The following SRGAP2B variants were observed in gnomAD, a reference collection of about 807,000 sequenced individuals.
The protein encoded by SRGAP2B is SLIT-ROBO Rho GTPase-activating protein 2B.
In SRGAP2B, 9 loss-of-function variants were observed where a neutral mutation model predicts 22.2. The ratio of observed to expected loss-of-function variants is 0.41; its 90% CI spans 0.24 to 0.71. The LOEUF is 0.71. SRGAP2B is among the 30% of genes least tolerant of loss of function. The pLI is 0.35. For synonymous variants in SRGAP2B, 36 were observed against 87.4 expected (o/e 0.41, Z 3.28); for missense variants, 114 against 235.8 (o/e 0.48, Z 3.38).
intron 3 of SRGAP2B, among the ~76,000 whole-genome samples, chr1:144,990,678 G>A (rs7413086): frequency 6.7e-5 from 10 of 149,930 alleles, no homozygotes; most frequent in African/African-American, 2.0e-4. Context: ...CCGGGGCTGC[G>A]TGCGGCGCTT....
chr1:144,967,455 C>T (rs1553612473), intron 3 of SRGAP2B, among the ~76,000 whole-genome samples: 1 of 133,850 alleles, frequency 7.5e-6, no homozygotes, highest in Non-Finnish European at 1.6e-5. Context: ...AGAACAAAGA[C>T]ACAACATACC....
intron 4 of SRGAP2B, among the ~76,000 whole-genome samples, chr1:144,934,327 C>T (rs1348180107): frequency 7.0e-6 from 1 of 143,814 alleles, no homozygotes; most frequent in Non-Finnish European, 1.5e-5. Context: ...TCACTTGAAC[C>T]TGGGAGGCGG....
chr1:144,904,180 C>T (rs1662818322), intron 7 of SRGAP2B, among the ~76,000 whole-genome samples: 1 of 150,238 alleles, frequency 6.7e-6, no homozygotes, highest in Non-Finnish European at 1.5e-5. Flanking sequence ...TTGCGCATAA[C>T]CTTGGACAAG....
In SRGAP2B at chr1:144,944,714, TA is replaced by T. The variant is rs1666356868; in HGVS notation, c.423+10724del. Reference sequence around the variant, plus strand: ...TTATTTATTTATTTATTTATTTATTTATTTATTTATTTTTTGAGATGGAGTC... The same window carrying T: ...TTATTTATTTATTTATTTATTTATTTTTTATTTATTTTTTGAGATGGAGTC... On this transcript the variant is annotated intron_variant, in intron 4 of 9. Transcript: ENST00000612199. 3.5e-4 allele frequency among the ~76,000 whole-genome samples: 52 copies of T among 146,514 alleles called. No individual in the cohort carries two copies. In the South Asian group the frequency reaches 9.6e-3, roughly 27 times the overall value.
rs376535404 is a variant in SRGAP2B, at chr1:144,966,494, C to T, written c.261-10893G>A. Among the ~76,000 whole-genome samples the T allele has an allele frequency of 2.7e-5, 4 of 147,240 alleles. No homozygotes were observed. In the East Asian group the frequency reaches 5.8e-4, roughly 21 times the overall value. On this transcript the variant is annotated intron_variant, in intron 3 of 9. Transcript: ENST00000612199. ...CCTAAAAGAGCTCCTGAAGGAAGTG[C>T]TAAACGTGGAAAGGAACAACCAGTA...
exon 3 of SRGAP2B, chr1:144,995,070 G>C: frequency 6.5e-7 from 1 of 1,540,758 alleles, no homozygotes; most frequent in South Asian, 1.2e-5. Flanking sequence ...GCTTCTCCAG[G>C]TTGCGGGAGT....
In SRGAP2B at chr1:145,007,377, A is replaced by C. The variant is rs587702337; in HGVS notation, c.68-12177T>G. On this transcript the variant is annotated intron_variant, in intron 2 of 9. Transcript: ENST00000612199. ...GCTGGCAATGTTGATTGGTTAACAA[A>C]AAGAATCCCCGAATTCCTTCACCTT... is the stretch of plus-strand genomic sequence containing the variant. Among the ~76,000 whole-genome samples, 50 of 150,788 alleles carry C rather than the reference A, an allele frequency of 3.3e-4. 2 individuals are homozygous for C. The highest frequency in any genetic ancestry group is 1.2e-3 in the African/African-American group (48 of 40,284).
At chr1:144,991,354 A>G (rs1670205938) in intron 3 of SRGAP2B, among the ~76,000 whole-genome samples, 1 of 150,296 alleles carries the variant, frequency 6.7e-6, no homozygotes, top group Non-Finnish European at 1.5e-5. Flanking sequence ...TGTTTAGCTC[A>G]AGGTTTGTAA....
intron 4 of SRGAP2B, among the ~76,000 whole-genome samples, chr1:144,921,416 A>G (rs1424480286): frequency 4.1e-5 from 6 of 145,128 alleles, no homozygotes; most frequent in Non-Finnish European, 9.0e-5. Flanking sequence ...AGTGACTCCC[A>G]AAGCAGTCAC....
At position 145,076,017 on chromosome 1, in the gene SRGAP2B, A is replaced by G. The variant is rs587680612; in HGVS notation, c.67+16818T>C. 1.8e-4 allele frequency among the ~76,000 whole-genome samples: 27 copies of G among 150,342 alleles called. 2 individuals carry two copies. Among genetic ancestry groups the G allele is most frequent in the African/African-American group, 6.7e-4 (27 of 40,288 alleles). On this transcript the variant is annotated intron_variant, in intron 2 of 9. Coordinates refer to ENST00000612199, the Ensembl canonical transcript of SRGAP2B. ...ATATATTATCTCAGTTTATCTATAC[A>G]ACCACCCTGGGATGTAGGCAGAACA... is the stretch of plus-strand genomic sequence containing the variant.
chr1:144,974,218 T>C (rs12028954), intron 3 of SRGAP2B, among the ~76,000 whole-genome samples: 1,880 of 134,822 alleles, frequency 0.014, 56 homozygotes, highest in East Asian at 0.1. Flanking sequence ...GAAGAAGAGA[T>C]GGAAAGTGGC....
intron 3 of SRGAP2B, among the ~76,000 whole-genome samples, chr1:144,993,976 A>AT (rs1216388575): frequency 2.0e-5 from 3 of 150,020 alleles, no homozygotes; most frequent in South Asian, 2.1e-4. Context: ...TTTTTTTGCA[A>AT]TTTTTTTTAA....
intron 4 of SRGAP2B, among the ~76,000 whole-genome samples, chr1:144,925,643 A>G (rs1220680877): frequency 7.0e-6 from 1 of 143,834 alleles, no homozygotes; most frequent in Non-Finnish European, 1.5e-5. Flanking sequence ...GACTCAGAAA[A>G]AAAAAAAAAA....
At chr1:144,944,948 C>T (rs1367741987) in intron 4 of SRGAP2B, among the ~76,000 whole-genome samples, 100 of 147,204 alleles carry the variant, frequency 6.8e-4, no homozygotes, top group African/African-American at 2.2e-3. Context: ...TTAGTAGAGA[C>T]GGGGTTTCAC....
intron 3 of SRGAP2B, among the ~76,000 whole-genome samples, chr1:144,991,093 G>A (rs1553617042): frequency 6.6e-6 from 1 of 151,062 alleles, no homozygotes; most frequent in Non-Finnish European, 1.5e-5. Flanking sequence ...GGATCCACTA[G>A]ATGAAGCCAA....
At position 144,956,166 on chromosome 1, in the gene SRGAP2B, C is replaced by A. The variant is rs370131084; in HGVS notation, c.261-565G>T. The stretch of plus-strand genomic sequence containing the variant: ...TAGAAACCAAAGTTAGAGATTTTGT[C>A]TAGACACAAAAATCACTACAGCACT... On this transcript the variant is annotated intron_variant, in intron 3 of 9. Transcript: ENST00000612199. Among the ~76,000 whole-genome samples the A allele has an allele frequency of 1.3e-4, 19 of 150,048 alleles. No homozygotes were observed. In the East Asian group the frequency reaches 3.3e-3, roughly 26 times the overall value.
At chr1:144,966,197 A>G (rs367688951) in intron 3 of SRGAP2B, among the ~76,000 whole-genome samples, 2,132 of 149,280 alleles carry the variant, frequency 0.014, 41 homozygotes, top group Middle Eastern at 0.055. Flanking sequence ...TGTCAGATTC[A>G]CCAAAGTTGA....
chr1:145,009,000 T>C (rs1671817545), intron 2 of SRGAP2B, among the ~76,000 whole-genome samples: 1 of 146,260 alleles, frequency 6.8e-6, no homozygotes, highest in Admixed American at 6.8e-5. Flanking sequence ...TGAAACCCCG[T>C]CTCTACTAAA....
intron 4 of SRGAP2B, among the ~76,000 whole-genome samples, chr1:144,934,648 CCTGTTCTCACAT>C (rs1363949579): frequency 6.8e-5 from 10 of 148,120 alleles, no homozygotes; most frequent in African/African-American, 2.6e-4. Flanking sequence ...TAACTTTTTC[CCTGTTCTCACAT>C]CTCTCTCACA....
Sources: allele counts gnomAD v4.1 joint callset (sites outside exome capture counted in the v4.1 genomes callset), GRCh38; gene constraint gnomAD v4.1.1; transcripts MANE v1.5; gene names NCBI Gene and HGNC (gene_info 2026-07-23, HGNC 2026-07-21).